Variants in SLC4A4 observed in about 807,000 individuals in gnomAD.
SLC4A4 encodes the protein solute carrier family 4 member 4.
A neutral mutation model predicts 111.5 loss-of-function variants in SLC4A4; 27 were observed. The observed-to-expected ratio is 0.24, with a 90% confidence interval of 0.18 to 0.33. The LOEUF is 0.33. Among genes scored for constraint, SLC4A4 ranks in the 10% least tolerant of loss-of-function variants. The probability of loss-of-function intolerance (pLI) is 1.00; values close to 1 mark genes in which losing one functional copy is unlikely to be tolerated. For missense variants in SLC4A4, 909 were observed against 1,315.5 expected, an observed-to-expected ratio of 0.69 and a Z score of 4.78; for synonymous variants, 443 against 463.4, an observed-to-expected ratio of 0.96 and a Z score of 0.57.
intron 1 of SLC4A4, among the ~76,000 whole-genome samples, chr4:71,074,192 T>C (rs1741748431): frequency 6.6e-6 from 1 of 152,172 alleles, no homozygotes; most frequent in Non-Finnish European, 1.5e-5. Context: ...TGTTTCTCCA[T>C]AGTGATAAAT....
chr4:71,309,143 G>T (rs2148851148), intron 3 of SLC4A4, among the ~76,000 whole-genome samples: 1 of 152,336 alleles, frequency 6.6e-6, no homozygotes, highest in Admixed American at 6.5e-5. Flanking sequence ...AGTGGCTGTG[G>T]CTAGACTGCC....
At chr4:71,256,085 A>G (rs1319898550) in intron 3 of SLC4A4, among the ~76,000 whole-genome samples, 3 of 152,136 alleles carry the variant, frequency 2.0e-5, no homozygotes, top group Non-Finnish European at 4.4e-5. Flanking sequence ...TAATGTGGAG[A>G]ATATTTGGCT....
intron 2 of SLC4A4, among the ~76,000 whole-genome samples, chr4:71,109,025 G>T (rs1743020572): frequency 6.6e-6 from 1 of 151,632 alleles, no homozygotes; most frequent in South Asian, 2.1e-4. Flanking sequence ...TCTTTAAATG[G>T]GCTATATTTT....
chr4:71,178,477 A>C (rs1018410034), intron 2 of SLC4A4, among the ~76,000 whole-genome samples: 24 of 152,284 alleles, frequency 1.6e-4, no homozygotes, highest in African/African-American at 5.5e-4. Context: ...ATAAAGAAGA[A>C]AAGAGAGAAG....
intron 2 of SLC4A4, among the ~76,000 whole-genome samples, chr4:71,149,975 A>T (rs149007073): frequency 0.01 from 1,545 of 152,096 alleles, 32 homozygotes; most frequent in African/African-American, 0.036. Flanking sequence ...TTTTTAAAAA[A>T]CTTAAGCTTT....
At chr4:71,472,335 C>T (rs532811387) in intron 13 of SLC4A4, among the ~76,000 whole-genome samples, 4 of 152,012 alleles carry the variant, frequency 2.6e-5, no homozygotes, top group Non-Finnish European at 5.9e-5. Flanking sequence ...ACCCATAAAA[C>T]TCATACAAAC....
rs568890063 is a variant in SLC4A4 at position 71,459,527 on chromosome 4, A to T, written c.1497+5858A>T. On this transcript the variant is annotated intron_variant, in intron 12 of 25. Coordinates refer to ENST00000264485, the MANE Select transcript of SLC4A4 (RefSeq NM_001098484.3). Reference sequence around the variant, plus strand: ...TTCCACTTCAGTATGAATATTTAACATCATTTTTAATGACCACATATATTT... The same window carrying T: ...TTCCACTTCAGTATGAATATTTAACTTCATTTTTAATGACCACATATATTT... Among the ~76,000 whole-genome samples the T allele has an allele frequency of 8.5e-5, 13 of 152,184 alleles. No homozygotes were observed. The South Asian group carries it at 2.7e-3, about 32-fold the overall frequency.
chr4:71,502,291 C>T (rs1259659016), intron 16 of SLC4A4, among the ~76,000 whole-genome samples: 1 of 152,148 alleles, frequency 6.6e-6, no homozygotes, highest in South Asian at 2.1e-4. Context: ...GAAACCTCAA[C>T]TTTTAGTTTT....
At chr4:71,334,863 G>A (rs376817077) in intron 3 of SLC4A4, among the ~76,000 whole-genome samples, 11 of 152,276 alleles carry the variant, frequency 7.2e-5, no homozygotes, top group South Asian at 4.1e-4. Flanking sequence ...GAGGAGAGCC[G>A]AGCAGGGATA....
rs376676869 is a variant in SLC4A4 at position 71,201,339 on chromosome 4, T to A, written c.-2+13938T>A. ...CAACAACTGGTCATGATATATGGGCTGCCTCTGGAGAGGGGTGTGACCTTG... is the reference window on the plus strand; with the variant it reads ...CAACAACTGGTCATGATATATGGGCAGCCTCTGGAGAGGGGTGTGACCTTG... On this transcript the variant is annotated intron_variant, in intron 1 of 25. Coordinates refer to ENST00000264485, the MANE Select transcript of SLC4A4 (RefSeq NM_001098484.3). Among the ~76,000 whole-genome samples the A allele has an allele frequency of 3.3e-5, 5 of 152,300 alleles. No homozygotes were observed. In the South Asian group the frequency reaches 1.0e-3, roughly 32 times the overall value.
intron 2 of SLC4A4, among the ~76,000 whole-genome samples, chr4:71,179,716 G>T (rs1745224430): frequency 6.6e-6 from 1 of 152,122 alleles, no homozygotes; most frequent in Non-Finnish European, 1.5e-5. Context: ...ACAAACAAAT[G>T]GAAGAACATT....
At chr4:71,245,106 GA>G (rs776329722) in intron 2 of SLC4A4, among the ~76,000 whole-genome samples, 5 of 152,148 alleles carry the variant, frequency 3.3e-5, no homozygotes, top group African/African-American at 4.8e-5. Context: ...AGGCATGTGT[GA>G]AGGTCCAGAG....
intron 4 of SLC4A4, among the ~76,000 whole-genome samples, chr4:71,348,953 A>C (rs762670390): frequency 6.6e-6 from 1 of 152,146 alleles, no homozygotes; most frequent in East Asian, 1.9e-4. Context: ...ATCTCTTTCA[A>C]TATCTCTCAG....
At chr4:71,233,302 A>T in intron 1 of SLC4A4, 1 of 985,414 alleles carries the variant, frequency 1.0e-6, no homozygotes, top group Non-Finnish European at 1.2e-6. Flanking sequence ...TGTGTCTGCT[A>T]CTGTGTGTGG....
chr4:71,357,883 A>G (rs1276026412), intron 6 of SLC4A4, among the ~76,000 whole-genome samples: 1 of 152,178 alleles, frequency 6.6e-6, no homozygotes. Flanking sequence ...AATAAATTTC[A>G]TGATTGGGAG....
rs549134743 is a variant in SLC4A4 at position 71,253,760 on chromosome 4, C to T, written c.74-1460C>T. On this transcript the variant is annotated intron_variant, in intron 2 of 25. Transcript: ENST00000264485. ...ATGATAGATACACTTCTCACTGGCA[C>T]ACATTCTGTGGGGAGAATTTCACTG... 5.3e-5 allele frequency among the ~76,000 whole-genome samples: 8 copies of T among 152,300 alleles called. No individual in the cohort carries two copies. The South Asian group carries it at 1.7e-3, about 32-fold the overall frequency.
chr4:71,361,111 G>C (rs928312239), intron 6 of SLC4A4, among the ~76,000 whole-genome samples: 1 of 152,140 alleles, frequency 6.6e-6, no homozygotes, highest in African/African-American at 2.4e-5. Context: ...GCACAGGCCG[G>C]TCAGAGTTTC....
intron 2 of SLC4A4, among the ~76,000 whole-genome samples, chr4:71,128,642 C>A (rs1005125252): frequency 2.2e-4 from 34 of 152,074 alleles, no homozygotes; most frequent in African/African-American, 8.2e-4. Context: ...GTGTGAACCA[C>A]CGTGCCAAGC....
At chr4:71,507,832 C>T (rs913035346) in intron 16 of SLC4A4, among the ~76,000 whole-genome samples, 3 of 152,146 alleles carry the variant, frequency 2.0e-5, no homozygotes, top group African/African-American at 7.2e-5. Context: ...AAATTGATCA[C>T]ATAATCGGAA....
Sources: allele counts gnomAD v4.1 joint callset (sites outside exome capture counted in the v4.1 genomes callset), GRCh38; gene constraint gnomAD v4.1.1; transcripts MANE v1.5; gene names NCBI Gene and HGNC (gene_info 2026-07-23, HGNC 2026-07-21).